The following PDCL variants were observed in gnomAD, a reference collection of about 807,000 sequenced individuals.
PDCL encodes the protein phosducin like, also known as phosducin-like protein.
Under a neutral mutation model 26.7 loss-of-function variants are expected in PDCL, and 11 were observed. The observed-to-expected ratio is 0.41, with a 90% CI of 0.26 to 0.68. The LOEUF is 0.68. Ranked by LOEUF, PDCL falls within the 30% of genes least tolerant of loss-of-function variation. PDCL has a pLI of 0.30. For synonymous variants in PDCL, 118 were observed against 134.9 expected (o/e 0.87, Z 0.87); for missense variants, 330 against 371.6 (o/e 0.89, Z 0.92).
intron 2 of PDCL, among the ~76,000 whole-genome samples, chr9:122,824,281 A>G (rs1412442640): frequency 6.6e-6 from 1 of 152,172 alleles, no homozygotes; most frequent in Non-Finnish European, 1.5e-5. Context: ...TTGCTGGCCA[A>G]TGGGATTGTG....
At chr9:122,826,319 G>C (rs1829627778) in intron 2 of PDCL, among the ~76,000 whole-genome samples, 3 of 152,024 alleles carry the variant, frequency 2.0e-5, no homozygotes, top group African/African-American at 7.2e-5. Flanking sequence ...CCATTTTTAG[G>C]AATTTGCACT....
chr9:122,823,688 G>A (rs1829584320), intron 2 of PDCL, among the ~76,000 whole-genome samples: 1 of 152,014 alleles, frequency 6.6e-6, no homozygotes, highest in African/African-American at 2.4e-5. Context: ...TGTTAACAGT[G>A]GTTGTCTCCA....
intron 1 of PDCL, among the ~76,000 whole-genome samples, chr9:122,827,421 G>C (rs530520203): frequency 6.6e-6 from 1 of 152,248 alleles, no homozygotes; most frequent in East Asian, 1.9e-4. Context: ...TAACTCCCAA[G>C]GGTTTAAAGG....
intron 2 of PDCL, among the ~76,000 whole-genome samples, chr9:122,825,791 G>A (rs532271834): frequency 6.6e-6 from 1 of 152,002 alleles, no homozygotes; most frequent in East Asian, 1.9e-4. Context: ...ATAAATATGG[G>A]CCCAGTGCAT....
intron 1 of PDCL, among the ~76,000 whole-genome samples, chr9:122,827,609 GT>G (rs1407592089): frequency 6.6e-6 from 1 of 152,098 alleles, no homozygotes; most frequent in African/African-American, 2.4e-5. Flanking sequence ...GCGGGTGTCT[GT>G]TTTCCCAGCT....
rs1039334409 is a variant in PDCL, at chr9:122,819,124, C to T, written c.*961G>A. ...TTTGTTTAAAAACAAACAAAATATCCATGTATACACAGAAAACACCTTGGC... is the reference window on the plus strand; with the variant it reads ...TTTGTTTAAAAACAAACAAAATATCTATGTATACACAGAAAACACCTTGGC... On this transcript the variant is annotated 3_prime_UTR_variant, in exon 4 of 4. Coordinates refer to ENST00000259467, the MANE Select transcript of PDCL (RefSeq NM_005388.5). The T allele has an allele frequency of 2.0e-5, 3 of 151,738 alleles. No individual in the cohort carries two copies. The highest frequency in any genetic ancestry group is 7.3e-5 in the African/African-American group (3 of 41,298). 9.4% of individuals were successfully genotyped at this position (151,738 alleles called of 1,614,324 possible).
rs2131360944 is a variant in PDCL, at chr9:122,819,906, T to C, written c.*179A>G. 1 of 529,444 alleles carries C rather than the reference T, an allele frequency of 1.9e-6. No homozygotes were observed. The highest frequency in any genetic ancestry group is 3.3e-6 in the Non-Finnish European group (1 of 307,408). 32.8% of individuals were successfully genotyped at this position (529,444 alleles called of 1,614,324 possible). ...CCTGTTTATACAACTGTAAGTCACCTTATTGCTAGCTACAAGGTTATTCAG... is the reference window on the plus strand; with the variant it reads ...CCTGTTTATACAACTGTAAGTCACCCTATTGCTAGCTACAAGGTTATTCAG... On this transcript the variant is annotated 3_prime_UTR_variant, in exon 4 of 4. Transcript: ENST00000259467.
chr9:122,822,971 G>A, intron 3 of PDCL, 45 bp downstream of exon 3: 1 of 1,542,984 alleles, frequency 6.5e-7, no homozygotes, highest in Non-Finnish European at 9.0e-7. Context: ...CCCAGCTCTA[G>A]CAGCCACAGC....
In PDCL at chr9:122,820,450, T is replaced by A. The variant is rs748699646; in HGVS notation, c.541A>T (p.Ile181Phe). 4 of 1,614,150 alleles carry A rather than the reference T, an allele frequency of 2.5e-6. No homozygotes were observed. The change falls in exon 4 of 4, where the codon ATT (isoleucine) becomes TTT (phenylalanine). Residue 181 changes from isoleucine (I) to phenylalanine (F), a missense_variant. Coordinates refer to ENST00000259467, the MANE Select transcript of PDCL (RefSeq NM_005388.5). ...LDMIDKEQKS[I>F]VIMVHIYEDG... ...TCATAAATATGAACCATGATGACAATGCTTTTCTGTTCTTTATCAATCATG... is the reference window on the plus strand; with the variant it reads ...TCATAAATATGAACCATGATGACAAAGCTTTTCTGTTCTTTATCAATCATG...
rs145707026 is a variant in PDCL, at chr9:122,823,583, G to A, written c.173-386C>T. Among the ~76,000 whole-genome samples, 421 of 152,212 alleles carry A rather than the reference G, an allele frequency of 2.8e-3. 3 individuals carry two copies. The highest frequency in any genetic ancestry group is 6.8e-3 in the Admixed American group (104 of 15,288). On this transcript the variant is annotated intron_variant, in intron 2 of 3. Transcript: ENST00000259467. ...CTCTAGTTTCTATTAAAAAAGACCT[G>A]TATGTATATACATAATTTATGTACA...
intron 2 of PDCL, among the ~76,000 whole-genome samples, chr9:122,826,269 C>T (rs1187280154): frequency 6.6e-6 from 1 of 152,202 alleles, no homozygotes; most frequent in African/African-American, 2.4e-5. Context: ...ACTCAACTGA[C>T]AGCAATTTGA....
At chr9:122,825,953 C>T (rs183306305) in intron 2 of PDCL, among the ~76,000 whole-genome samples, 2 of 152,064 alleles carry the variant, frequency 1.3e-5, no homozygotes, top group African/African-American at 2.4e-5. Flanking sequence ...CCCAGCTACA[C>T]GTGGTCCCAG....
intron 2 of PDCL, among the ~76,000 whole-genome samples, chr9:122,824,201 A>G (rs993793855): frequency 9.2e-5 from 14 of 152,110 alleles, no homozygotes; most frequent in African/African-American, 3.4e-4. Flanking sequence ...TTGCTATGTG[A>G]CTTGTGGTAC....
At chr9:122,827,905 G>A (rs563619172) in intron 1 of PDCL, among the ~76,000 whole-genome samples, 13 of 152,074 alleles carry the variant, frequency 8.5e-5, no homozygotes, top group African/African-American at 3.1e-4. Flanking sequence ...TTTACAAAGT[G>A]ACTCTCTCCC....
chr9:122,824,519 G>A (rs993341681), intron 2 of PDCL, among the ~76,000 whole-genome samples: 2 of 152,194 alleles, frequency 1.3e-5, no homozygotes, highest in Non-Finnish European at 2.9e-5. Context: ...CAGGCTGCAT[G>A]TAACGTGAAT....
chr9:122,820,382 G>T lies in PDCL; in HGVS notation c.609C>A (p.Ile203=). ...CAGCTGGGTACTCTGCGGCAAGGCAGATCATGCAACCATTCATGGCTTCGG... is the reference window on the plus strand; with the variant it reads ...CAGCTGGGTACTCTGCGGCAAGGCATATCATGCAACCATTCATGGCTTCGG... ...PGTEAMNGCM[I]CLAAEYPAVK... The change falls in exon 4 of 4, where the codon ATC becomes ATA. Residue 203 remains isoleucine, a synonymous_variant. Transcript: ENST00000259467. The T allele has an allele frequency of 6.2e-7, 1 of 1,614,192 alleles. No individual in the cohort carries two copies. The highest frequency in any genetic ancestry group is 8.5e-7 in the Non-Finnish European group (1 of 1,180,042).
At chr9:122,822,951 G>GC in intron 3 of PDCL, 65 bp downstream of exon 3, 1 of 1,410,674 alleles carries the variant, frequency 7.1e-7, no homozygotes, top group Non-Finnish European at 1.0e-6. Flanking sequence ...TCCACCTCTT[G>GC]AATCACTCAC....
At chr9:122,821,099 C>A (rs1248270959) in intron 3 of PDCL, among the ~76,000 whole-genome samples, 1 of 152,128 alleles carries the variant, frequency 6.6e-6, no homozygotes, top group Non-Finnish European at 1.5e-5. Context: ...TCACTGAATT[C>A]CATAACTCCA....
At position 122,820,651 on chromosome 9, in the gene PDCL, G is replaced by C. The variant is rs767745875; in HGVS notation, c.355-15C>G. 4 of 1,584,430 alleles carry C rather than the reference G, an allele frequency of 2.5e-6. No individual in the cohort carries two copies. The Admixed American group carries it at 5.4e-5, about 21-fold the overall frequency. ...TTCAGAGTCATCTGCAGGCGGACCA[G>C]CAAGTGAGCATAAATATGAAAACTG... On this transcript the variant is annotated splice_polypyrimidine_tract_variant and intron_variant, in intron 3 of 3. Transcript: ENST00000259467.
Sources: gnomAD v4.1 joint callset for allele counts (sites outside exome capture counted in the v4.1 genomes callset) on GRCh38, gnomAD v4.1.1 for gene constraint, MANE v1.5 for transcripts, NCBI Gene and HGNC (gene_info 2026-07-23, HGNC 2026-07-21) for gene names.